TJP1: variants seen among roughly 807,000 people sequenced by gnomAD.
The protein encoded by TJP1 is tight junction protein 1, also known as tight junction protein ZO-1.
TJP1 carries 43 observed loss-of-function variants against 194.2 expected under a neutral mutation model. The ratio of observed to expected loss-of-function variants is 0.22; its 90% CI spans 0.17 to 0.29. TJP1 has a LOEUF of 0.29. Among genes scored for constraint, TJP1 ranks in the 10% least tolerant of loss-of-function variants. The probability of loss-of-function intolerance (pLI) is 1.00; values close to 1 mark genes in which losing one functional copy is unlikely to be tolerated. For synonymous variants in TJP1, 801 were observed against 779.0 expected (o/e 1.03, Z -0.47); for missense variants, 1,971 against 2,185.7 (o/e 0.90, Z 1.96).
Position 29,968,833 on chromosome 15 carries a change from G to T in TJP1, c.7C>A (p.Arg3Ser), listed in dbSNP as rs1250596717. The change falls in exon 1 of 29, where the codon CGC becomes AGC. Residue 3 changes from arginine to serine, a missense_variant. By Grantham distance (110) the Arg-to-Ser change is moderately radical (BLOSUM62 -1). Coordinates refer to the TJP1 transcript ENST00000356107. ...CGCCGCAGACACAGCCCCTCCAGGC[G>T]CCGCATAGATCAGCTCTGGGCCATC... 3.0e-6 allele frequency: 3 copies of T among 995,480 alleles called. No individual in the cohort carries two copies. The South Asian group carries it at 4.6e-5, about 15-fold the overall frequency. The allele number at this position is 995,480 out of a possible 1,614,324, so 61.7% of individuals were successfully genotyped here.
chr15:29,796,243 T>C (rs1315184065), intron 2 of TJP1, among the ~76,000 whole-genome samples: 3 of 151,476 alleles, frequency 2.0e-5, no homozygotes, highest in Non-Finnish European at 4.4e-5. Context: ...ACTGCCTCTA[T>C]ACACAGATGA....
chr15:29,956,116 C>T, intron 2 of TJP1: 1 of 949,782 alleles, frequency 1.1e-6, no homozygotes, highest in Non-Finnish European at 1.3e-6. Context: ...TGAACCATTT[C>T]TAAAATTAAA....
chr15:29,799,331 G>A (rs1416747482), intron 2 of TJP1, among the ~76,000 whole-genome samples: 1 of 151,914 alleles, frequency 6.6e-6, no homozygotes, highest in Non-Finnish European at 1.5e-5. Context: ...GTTTATGAAA[G>A]TTAAGGTTAG....
At chr15:29,732,589 G>C (rs371649912) in intron 14 of TJP1, 42 bp downstream of exon 14, 4 of 1,611,608 alleles carry the variant, frequency 2.5e-6, no homozygotes, top group Non-Finnish European at 3.4e-6. Context: ...TAAACATATT[G>C]ACGTTAAAGG....
At chr15:29,717,507 C>G (rs570478552) in intron 22 of TJP1, among the ~76,000 whole-genome samples, 3 of 128,224 alleles carry the variant, frequency 2.3e-5, no homozygotes, top group Admixed American at 8.7e-5. Context: ...GTTTCTCTTC[C>G]AGCTCTAAGT....
At chr15:29,950,543 G>C (rs984194401) in intron 2 of TJP1, among the ~76,000 whole-genome samples, 1 of 152,150 alleles carries the variant, frequency 6.6e-6, no homozygotes, top group Non-Finnish European at 1.5e-5. Flanking sequence ...GCCCAGAGCA[G>C]AGGAGCCCAC....
At chr15:29,929,775 G>A (rs2054646202) in intron 2 of TJP1, among the ~76,000 whole-genome samples, 1 of 151,852 alleles carries the variant, frequency 6.6e-6, no homozygotes, top group Non-Finnish European at 1.5e-5. Flanking sequence ...TAAGATAACA[G>A]GGGCAGAAAT....
At chr15:29,794,254 G>A (rs1473241522) in intron 2 of TJP1, among the ~76,000 whole-genome samples, 1 of 152,154 alleles carries the variant, frequency 6.6e-6, no homozygotes, top group Non-Finnish European at 1.5e-5. Context: ...TAGTCTCTCT[G>A]TGATGAGGCT....
chr15:29,934,453 G>T (rs1259549215), intron 2 of TJP1, among the ~76,000 whole-genome samples: 1 of 152,198 alleles, frequency 6.6e-6, no homozygotes, highest in Admixed American at 6.5e-5. Flanking sequence ...TATTGAGGTT[G>T]CCCTTTTGTA....
At chr15:29,932,405 G>A (rs1483822070) in intron 2 of TJP1, among the ~76,000 whole-genome samples, 2 of 152,100 alleles carry the variant, frequency 1.3e-5, no homozygotes, top group African/African-American at 4.8e-5. Flanking sequence ...CCAATATATG[G>A]TGCTGAGACA....
At chr15:29,881,948 T>G (rs1178191882) in intron 2 of TJP1, among the ~76,000 whole-genome samples, 1 of 151,280 alleles carries the variant, frequency 6.6e-6, no homozygotes, top group Non-Finnish European at 1.5e-5. Flanking sequence ...TATATATAGA[T>G]ATATATAGAT....
intron 6 of TJP1, 28 bp downstream of exon 6, chr15:29,762,307 T>G: frequency 6.4e-7 from 1 of 1,562,530 alleles, no homozygotes; most frequent in Non-Finnish European, 8.8e-7. Context: ...CTATTTCAGT[T>G]CATTAAAAAG....
chr15:29,755,946 A>G (rs565675381), intron 8 of TJP1, among the ~76,000 whole-genome samples: 92 of 152,262 alleles, frequency 6.0e-4, no homozygotes, highest in African/African-American at 2.2e-3. Context: ...ATAAAAATTT[A>G]TAGAATAAAA....
chr15:29,834,074 G>A, intron 2 of TJP1, among the ~76,000 whole-genome samples: 1 of 147,480 alleles, frequency 6.8e-6, no homozygotes, highest in Non-Finnish European at 1.5e-5. Context: ...GTAGAGACAG[G>A]GTTTCACCAT....
At chr15:29,947,473 T>C (rs924607170) in intron 2 of TJP1, among the ~76,000 whole-genome samples, 5 of 152,214 alleles carry the variant, frequency 3.3e-5, no homozygotes, top group Non-Finnish European at 7.4e-5. Context: ...TTCTGGTCTG[T>C]GAGTTAAAGA....
At chr15:29,815,845 G>T (rs190609762) in intron 1 of TJP1, among the ~76,000 whole-genome samples, 2 of 152,170 alleles carry the variant, frequency 1.3e-5, no homozygotes, top group African/African-American at 2.4e-5. Context: ...AGATTAAAGA[G>T]CAAGTAAAAG....
At chr15:29,763,700 G>A (rs2046149600) in intron 5 of TJP1, among the ~76,000 whole-genome samples, 1 of 151,584 alleles carries the variant, frequency 6.6e-6, no homozygotes, top group South Asian at 2.1e-4. Flanking sequence ...CTGGGAGGCA[G>A]AGGTTGCAGT....
chr15:29,730,022 T>C (rs1232731057), intron 15 of TJP1, among the ~76,000 whole-genome samples: 1 of 152,040 alleles, frequency 6.6e-6, no homozygotes, highest in East Asian at 1.9e-4. Flanking sequence ...TTTGTAATAG[T>C]AATATAAATT....
chr15:29,755,569 T>G (rs1243117890), intron 8 of TJP1, among the ~76,000 whole-genome samples: 2 of 152,230 alleles, frequency 1.3e-5, no homozygotes, highest in East Asian at 3.9e-4. Context: ...GTAGAGGCAT[T>G]TCTCAGGAGG....
Sources: allele counts gnomAD v4.1 joint callset (sites outside exome capture counted in the v4.1 genomes callset), GRCh38; gene constraint gnomAD v4.1.1; transcripts MANE v1.5; gene names NCBI Gene and HGNC (gene_info 2026-07-23, HGNC 2026-07-21).